The following AZIN2 variants were observed in gnomAD, a reference collection of about 807,000 sequenced individuals.
AZIN2 encodes the protein ODC antizyme inhibitor-2.
Under a neutral mutation model 47.8 loss-of-function variants are expected in AZIN2, and 28 were observed. The observed-to-expected ratio is 0.59, with a 90% CI of 0.43 to 0.80. The LOEUF is 0.80. AZIN2 is among the 30% of genes least tolerant of loss of function. The pLI, the probability that AZIN2 is intolerant of heterozygous loss-of-function variation, is 0.00. For synonymous variants in AZIN2, 221 were observed against 239.4 expected, an observed-to-expected ratio of 0.92 and a Z score of 0.71; for missense variants, 535 against 582.5, an observed-to-expected ratio of 0.92 and a Z score of 0.84.
In AZIN2 at chr1:33,093,270, G is replaced by C; in HGVS notation, c.453-12G>C. ...GGTTTGTCCAGCAGAGGGGCACTGCGTGTCTCATCAGGATGGTTCTGTGCA... is the reference window on the plus strand; with the variant it reads ...GGTTTGTCCAGCAGAGGGGCACTGCCTGTCTCATCAGGATGGTTCTGTGCA... On this transcript the variant is annotated splice_polypyrimidine_tract_variant and intron_variant, in intron 6 of 11. Transcript: ENST00000294517. The C allele has an allele frequency of 6.2e-7, 1 of 1,613,702 alleles. No homozygotes were observed. Among genetic ancestry groups the C allele is most frequent in the South Asian group, 1.1e-5 (1 of 91,032 alleles).
At chr1:33,082,148 C>A (rs778639470) in intron 3 of AZIN2, 30 bp from the exon 4 acceptor site, 1 of 969,098 alleles carries the variant, frequency 1.0e-6, no homozygotes, top group Non-Finnish European at 1.6e-6. Flanking sequence ...GGCCCCCCAG[C>A]GGTTCCCTTC....
At chr1:33,129,953 G>A in the AZIN2 span, among the ~76,000 whole-genome samples, 1 of 152,070 alleles carries the variant, frequency 6.6e-6, no homozygotes, top group Non-Finnish European at 1.5e-5. This position sits in a 1 kb window ranked among gnomAD's most constrained non-coding sequence, Gnocchi z 4.1. Flanking sequence ...TCTGCCTCCC[G>A]GGTTCAAGCG....
the AZIN2 span, among the ~76,000 whole-genome samples, chr1:33,132,131 T>A: frequency 6.6e-6 from 1 of 152,142 alleles, no homozygotes; most frequent in East Asian, 1.9e-4. Context: ...AATCAGGGTG[T>A]ATCTACTCTG....
intron 9 of AZIN2, 77 bp from the exon 10 acceptor site, chr1:33,097,990 G>T (rs753317495): frequency 2.8e-6 from 3 of 1,060,874 alleles, no homozygotes; most frequent in Non-Finnish European, 4.4e-6. Context: ...TCCTTACTGA[G>T]CCCACTGTTG....
At chr1:33,095,553 G>C (rs1321849839) in intron 8 of AZIN2, among the ~76,000 whole-genome samples, 3 of 152,154 alleles carry the variant, frequency 2.0e-5, no homozygotes, top group African/African-American at 7.2e-5. Flanking sequence ...GATTCATCTA[G>C]TTGATAGACT....
intron 11 of AZIN2, 164 bp from the exon 12 acceptor site, chr1:33,119,880 G>C: frequency 1.2e-6 from 1 of 834,624 alleles, no homozygotes; most frequent in Non-Finnish European, 1.8e-6. Context: ...GACCACACGG[G>C]AGTAGGAAGC....
the AZIN2 span, among the ~76,000 whole-genome samples, chr1:33,152,304 G>A: frequency 6.6e-6 from 1 of 152,190 alleles, no homozygotes; most frequent in Admixed American, 6.5e-5. Flanking sequence ...GGTGGCTCAC[G>A]CCCGTAATTC....
At chr1:33,146,924 G>A in the AZIN2 span, 1 of 531,062 alleles carries the variant, frequency 1.9e-6, no homozygotes, top group East Asian at 3.3e-5. Flanking sequence ...TTGCCCTGAG[G>A]AGAAGCCATG....
chr1:33,096,647 T>C, intron 8 of AZIN2, 60 bp from the exon 9 acceptor site: 1 of 1,579,990 alleles, frequency 6.3e-7, no homozygotes, highest in Non-Finnish European at 8.7e-7. Flanking sequence ...CTGTAGCAAG[T>C]CTTCAGCATA....
chr1:33,141,281 C>T, the AZIN2 span, among the ~76,000 whole-genome samples: 1 of 152,068 alleles, frequency 6.6e-6, no homozygotes, highest in African/African-American at 2.4e-5. Flanking sequence ...CTCCTAAGCT[C>T]TGGCCCTGTC....
At chr1:33,085,604 C>A (rs1009947602) in intron 5 of AZIN2, among the ~76,000 whole-genome samples, 1 of 151,984 alleles carries the variant, frequency 6.6e-6, no homozygotes, top group Admixed American at 6.6e-5. Flanking sequence ...CTCCTGGAGT[C>A]CTGGGCAGGA....
intron 10 of AZIN2, among the ~76,000 whole-genome samples, chr1:33,105,451 G>T (rs1341066970): frequency 2.6e-5 from 4 of 152,184 alleles, no homozygotes; most frequent in African/African-American, 4.8e-5. Context: ...AAGGAAAGAG[G>T]TTTAATTGAC....
intron 10 of AZIN2, among the ~76,000 whole-genome samples, chr1:33,107,634 A>G (rs963339663): frequency 2.6e-5 from 4 of 152,298 alleles, no homozygotes; most frequent in South Asian, 2.1e-4. Flanking sequence ...CCAAAAAACT[A>G]TTAGACTTAA....
chr1:33,101,167 T>A (rs561539699), intron 10 of AZIN2, among the ~76,000 whole-genome samples: 1 of 151,992 alleles, frequency 6.6e-6, no homozygotes, highest in South Asian at 2.1e-4. Flanking sequence ...CGGCACCATG[T>A]CTCTCTCTTA....
downstream of AZIN2, among the ~76,000 whole-genome samples, chr1:33,123,928 G>A (rs1644838200): frequency 6.6e-6 from 1 of 152,058 alleles, no homozygotes. Flanking sequence ...ACTGGAAGGT[G>A]GAGGTTGTAG....
chr1:33,101,823 C>T (rs1284548414), intron 10 of AZIN2: 3 of 778,610 alleles, frequency 3.9e-6, no homozygotes, highest in Non-Finnish European at 4.8e-6. Flanking sequence ...TTTTCTCCCT[C>T]ATATCACAGT....
Position 33,120,109 on chromosome 1 carries a change from C to T in AZIN2, c.1310C>T (p.Pro437Leu), listed in dbSNP as rs1644752650. The change falls in exon 12 of 12, where the codon CCT becomes CTT. Residue 437 changes from proline (P) to leucine (L), a missense_variant. Around this residue, in one of 3 missense-constraint regions of AZIN2, gnomAD observed 122 missense variants for 135.8 expected, o/e 0.90. Coordinates refer to ENST00000294517, the MANE Select transcript of AZIN2 (RefSeq NM_052998.4). The stretch of plus-strand genomic sequence containing the variant: ...GATGACGTGGAGGGTGTGTGCAAGC[C>T]TCTGTCCTGCGGCTGGGAGATCACA... The part of the protein sequence containing the change: ...QEDDVEGVCK[P>L]LSCGWEITDT... 3 of 1,613,908 alleles carry T rather than the reference C, an allele frequency of 1.9e-6. No homozygotes were observed. In the South Asian group the frequency reaches 3.3e-5, roughly 18 times the overall value.
chr1:33,086,046 C>T (rs182256163), intron 5 of AZIN2, among the ~76,000 whole-genome samples: 7 of 152,244 alleles, frequency 4.6e-5, no homozygotes, highest in Admixed American at 3.9e-4. Context: ...GAGCTTGGTT[C>T]TGTAGAAGAA....
At chr1:33,134,138 T>C in the AZIN2 span, among the ~76,000 whole-genome samples, 1 of 152,236 alleles carries the variant, frequency 6.6e-6, no homozygotes, top group African/African-American at 2.4e-5. Context: ...ACACTTACCG[T>C]GGGCCAGGCA....
Sources: gnomAD v4.1 joint callset for allele counts (sites outside exome capture counted in the v4.1 genomes callset) on GRCh38, gnomAD v4.1.1 for gene constraint, gnomAD v4.1.1 regional missense constraint, Gnocchi (gnomAD v3.1) non-coding constraint, MANE v1.5 for transcripts, NCBI Gene and HGNC (gene_info 2026-07-23, HGNC 2026-07-21) for gene names.